The following CDKL1 variants were observed in gnomAD, a reference collection of about 807,000 sequenced individuals.
CDKL1 encodes cyclin-dependent kinase-like 1.
Under a neutral mutation model 42.0 loss-of-function variants are expected in CDKL1, and 41 were observed. The observed-to-expected ratio is 0.98, with a 90% CI of 0.76 to 1.27. CDKL1 has a LOEUF of 1.27. Ranked by LOEUF, CDKL1 falls within the 50% of genes most tolerant of loss-of-function variation. The pLI, the probability that CDKL1 is intolerant of heterozygous loss-of-function variation, is 0.00. For missense variants in CDKL1, 394 were observed against 428.4 expected (o/e 0.92, Z 0.71); for synonymous variants, 153 against 158.6 (o/e 0.96, Z 0.26).
At chr14:50,348,101 C>T (rs904447240) in intron 3 of CDKL1, among the ~76,000 whole-genome samples, 1 of 152,142 alleles carries the variant, frequency 6.6e-6, no homozygotes, top group African/African-American at 2.4e-5. Flanking sequence ...AACAGCAACA[C>T]AATGTGGAAT....
intron 7 of CDKL1, chr14:50,336,038 G>C (rs1050760494): frequency 7.3e-7 from 1 of 1,366,480 alleles, no homozygotes; most frequent in African/African-American, 1.5e-5. Context: ...TCTGTCGGTT[G>C]AATCTGAGCA....
intron 4 of CDKL1, chr14:50,342,485 A>T: frequency 8.7e-7 from 1 of 1,144,274 alleles, no homozygotes; most frequent in Non-Finnish European, 1.1e-6. Flanking sequence ...GCAGAGAAAA[A>T]TACAGGACAC....
At chr14:50,362,978 G>A (rs989920277) in intron 2 of CDKL1, 1 of 466,218 alleles carries the variant, frequency 2.1e-6, no homozygotes, top group South Asian at 1.6e-5. Flanking sequence ...CCGCACTGCT[G>A]TAACACTTAT....
chr14:50,397,153 A>G (rs1321599394), upstream of CDKL1: 3 of 1,366,232 alleles, frequency 2.2e-6, no homozygotes, highest in Non-Finnish European at 2.9e-6. Context: ...TCTGCGGAGC[A>G]AGACGCCTGC....
intron 2 of CDKL1, among the ~76,000 whole-genome samples, chr14:50,393,712 T>G (rs889982350): frequency 6.6e-6 from 1 of 152,188 alleles, no homozygotes; most frequent in Admixed American, 6.5e-5. Flanking sequence ...AAGAACAGAC[T>G]CTACCTATAA....
At chr14:50,396,685 G>A in intron 1 of CDKL1, 139 bp downstream of exon 1, 1 of 159,820 alleles carries the variant, frequency 6.3e-6, no homozygotes, top group Non-Finnish European at 1.3e-5. Context: ...AGACCAACCC[G>A]CGCCCCGCGC....
At chr14:50,378,267 G>C (rs1279285148) in intron 2 of CDKL1, 1 of 1,366,462 alleles carries the variant, frequency 7.3e-7, no homozygotes, top group South Asian at 1.1e-5. Context: ...CCTCCTTCTA[G>C]GGCCCACGGA....
intron 2 of CDKL1, chr14:50,362,869 G>A (rs955862044): frequency 1.5e-5 from 6 of 394,522 alleles, no homozygotes; most frequent in Admixed American, 7.7e-5. Context: ...CAGGCTGCCC[G>A]ACCCAGCAGT....
At chr14:50,375,922 T>C (rs2034718634) in intron 2 of CDKL1, among the ~76,000 whole-genome samples, 1 of 152,094 alleles carries the variant, frequency 6.6e-6, no homozygotes, top group African/African-American at 2.4e-5. Context: ...CAGAGGGACA[T>C]TCTACAAAAT....
rs751987741 is a variant in CDKL1 at position 50,336,093 on chromosome 14, G to A, written c.739-1472C>T. 2.2e-5 allele frequency: 30 copies of A among 1,366,112 alleles called. No homozygotes were observed. The Admixed American group carries it at 2.3e-4, about 10-fold the overall frequency. 84.6% of individuals were successfully genotyped at this position (1,366,112 alleles called of 1,614,324 possible). ...CATTGCTATATCATCGAGCTCTGCTGTCTCAGCAACAATGTCTGGATGAGG... is the reference window on the plus strand; with the variant it reads ...CATTGCTATATCATCGAGCTCTGCTATCTCAGCAACAATGTCTGGATGAGG... On this transcript the variant is annotated intron_variant, in intron 7 of 9. Transcript: ENST00000395834.
chr14:50,350,517 A>G (rs912384181), intron 3 of CDKL1, among the ~76,000 whole-genome samples: 1 of 152,154 alleles, frequency 6.6e-6, no homozygotes, highest in Middle Eastern at 3.2e-3. Context: ...CTTCTCTGCC[A>G]TGGGATTAGG....
chr14:50,334,469 C>T (rs1467921638), intron 8 of CDKL1, 96 bp downstream of exon 8: 4 of 794,878 alleles, frequency 5.0e-6, no homozygotes, highest in Non-Finnish European at 8.7e-6. Flanking sequence ...CTAAAAGGAA[C>T]ACTTTTCATT....
At position 50,332,543 on chromosome 14, in the gene CDKL1, A is replaced by G. The variant is rs2033015097; in HGVS notation, c.796-111T>C. On this transcript the variant is annotated intron_variant, in intron 8 of 9. Transcript: ENST00000395834. Reference sequence around the variant, plus strand: ...AACTTCAGTTGCAATAAGAAGGGGGAAAAGGCAGGAAAACACACCAGTCAT... The same window carrying G: ...AACTTCAGTTGCAATAAGAAGGGGGGAAAGGCAGGAAAACACACCAGTCAT... 10 of 1,484,130 alleles carry G rather than the reference A, an allele frequency of 6.7e-6. No individual in the cohort carries two copies. In the South Asian group the frequency reaches 9.3e-5, roughly 14 times the overall value. 91.9% of individuals were successfully genotyped at this position (1,484,130 alleles called of 1,614,324 possible).
chr14:50,341,456 TGGGGGGG>T (rs10598932), intron 5 of CDKL1, among the ~76,000 whole-genome samples: 5,435 of 71,788 alleles, frequency 0.076, 638 homozygotes, highest in African/African-American at 0.18. Flanking sequence ...GGGGAGGGTC[TGGGGGGG>T]GGGGGGGGGT....
At chr14:50,362,043 C>G (rs1013620432) in intron 2 of CDKL1, 1 of 203,890 alleles carries the variant, frequency 4.9e-6, no homozygotes, top group Non-Finnish European at 1.0e-5. Flanking sequence ...CCACAAGCCC[C>G]GGGCAGTGAG....
At chr14:50,359,617 T>C (rs2139451630) in intron 2 of CDKL1, among the ~76,000 whole-genome samples, 1 of 152,136 alleles carries the variant, frequency 6.6e-6, no homozygotes, top group South Asian at 2.1e-4. Context: ...TGAAGTCTTC[T>C]GGTATCAATA....
intron 3 of CDKL1, among the ~76,000 whole-genome samples, chr14:50,350,555 A>AT (rs2033871795): frequency 6.6e-6 from 1 of 152,148 alleles, no homozygotes; most frequent in African/African-American, 2.4e-5. Flanking sequence ...AGCCATATAT[A>AT]TCCCCAGCTT....
chr14:50,388,874 C>T (rs963181914), intron 2 of CDKL1, among the ~76,000 whole-genome samples: 2 of 151,602 alleles, frequency 1.3e-5, no homozygotes, highest in African/African-American at 2.4e-5. Flanking sequence ...CCGAGGGAGG[C>T]GGATCATGAG....
intron 4 of CDKL1, among the ~76,000 whole-genome samples, chr14:50,344,614 C>T (rs2033669049): frequency 6.6e-6 from 1 of 151,782 alleles, no homozygotes; most frequent in Non-Finnish European, 1.5e-5. Context: ...GGACCACAGG[C>T]ACACACCACC....
Sources: gnomAD v4.1 joint callset for allele counts (sites outside exome capture counted in the v4.1 genomes callset) on GRCh38, gnomAD v4.1.1 for gene constraint, MANE v1.5 for transcripts, NCBI Gene and HGNC (gene_info 2026-07-23, HGNC 2026-07-21) for gene names.